ASB18: variants seen among roughly 807,000 people sequenced by gnomAD.
The protein encoded by ASB18 is ankyrin repeat and SOCS box protein 18.
ASB18 carries 33 observed loss-of-function variants against 33.4 expected under a neutral mutation model. The ratio of observed to expected loss-of-function variants is 0.99; its 90% CI spans 0.75 to 1.32. ASB18 has a LOEUF of 1.32. ASB18 is among the 40% of genes most tolerant of loss of function. The pLI is 0.00. For synonymous variants in ASB18, 295 were observed against 307.6 expected, an observed-to-expected ratio of 0.96 and a Z score of 0.43; for missense variants, 694 against 655.5, an observed-to-expected ratio of 1.06 and a Z score of -0.64.
rs945758294 is a variant in ASB18 at position 236,238,258 on chromosome 2, G to A, written c.329-302C>T. ...AGAGGATTTTGCCAAATACGGGGGT[G>A]ACTGGGAAATGGGGTCAGTTAAAAG... On this transcript the variant is annotated intron_variant, in intron 2 of 5. Coordinates refer to ENST00000409749, the MANE Select transcript of ASB18 (RefSeq NM_212556.4). This position sits in a 1 kb window ranked among gnomAD's most constrained non-coding sequence, Gnocchi z 5.2. 1.1e-4 allele frequency among the ~76,000 whole-genome samples: 17 copies of A among 152,226 alleles called. No individual in the cohort carries two copies. The highest frequency in any genetic ancestry group is 3.1e-4 in the African/African-American group (13 of 41,526).
chr2:236,240,907 T>A (rs2060618266), intron 2 of ASB18, among the ~76,000 whole-genome samples: 1 of 152,166 alleles, frequency 6.6e-6, no homozygotes, highest in African/African-American at 2.4e-5. Context: ...CACAGAGCTG[T>A]GTGCCAGAGG....
At position 236,217,641 on chromosome 2, in the gene ASB18, T is replaced by G. The variant is rs993202298; in HGVS notation, c.597-2775A>C. 6.6e-6 allele frequency among the ~76,000 whole-genome samples: 1 copy of G among 152,244 alleles called. No homozygotes were observed. On this transcript the variant is annotated intron_variant, in intron 3 of 5. Coordinates refer to ENST00000409749, the MANE Select transcript of ASB18 (RefSeq NM_212556.4). This position sits in a 1 kb window ranked among gnomAD's most constrained non-coding sequence, Gnocchi z 5.2. ...CTAACTGGGGCTCTGAACAAGATCA[T>G]CCATTGAGGGTTTCCCGGCTGCCCT...
In ASB18 at chr2:236,194,941, G is replaced by A. The variant is rs763282505; in HGVS notation, c.1332C>T (p.Ile444=). ...GGGGCTTTGGCAAGGGTAACAGGGG[G>A]ATGAGGTCAAAGCACCTTTTGCCAA... The part of the protein sequence containing the change: ...RLFGKRCFDL[I]PLLPLPKPLQ... The change falls in exon 6 of 6, where the codon ATC becomes ATT. Residue 444 remains isoleucine (I), a synonymous_variant. Coordinates refer to ENST00000409749, the MANE Select transcript of ASB18 (RefSeq NM_212556.4). This position sits in a 1 kb window ranked among gnomAD's most constrained non-coding sequence, Gnocchi z 4.5. 2 of 1,613,770 alleles carry A rather than the reference G, an allele frequency of 1.2e-6. No homozygotes were observed. Among genetic ancestry groups the A allele is most frequent in the Non-Finnish European group, 1.7e-6 (2 of 1,179,862 alleles).
Position 236,196,358 on chromosome 2 carries a change from C to T in ASB18, c.1129G>A (p.Ala377Thr), listed in dbSNP as rs571890106. 60 of 1,565,910 alleles carry T rather than the reference C, an allele frequency of 3.8e-5. No individual in the cohort carries two copies. The highest frequency in any genetic ancestry group is 1.9e-4 in the South Asian group (16 of 84,982). The change falls in exon 5 of 6, where the codon GCA becomes ACA. Residue 377 changes from alanine (A) to threonine (T), a missense_variant. Transcript: ENST00000409749. This position sits in a 1 kb window ranked among gnomAD's most constrained non-coding sequence, Gnocchi z 5.6. ...GAGTTGAAAAGCACCTCGATGACTG[C>T]GGGGACAGATGCACAGGTCTTCAGC... Reference protein sequence around the residue: ...KVLKTCASVPAVIEVLFNSYP... With the variant: ...KVLKTCASVPTVIEVLFNSYP...
Position 236,237,278 on chromosome 2 carries a change from C to T in ASB18, c.596+411G>A, listed in dbSNP as rs1231658300. ...GCGGCTGGGCTGTGATCACCGCGCTCATTACCTCGGCGTGGCGCCTCCCGC... is the reference window on the plus strand; with the variant it reads ...GCGGCTGGGCTGTGATCACCGCGCTTATTACCTCGGCGTGGCGCCTCCCGC... On this transcript the variant is annotated intron_variant, in intron 3 of 5. Transcript: ENST00000409749. The surrounding 1 kb of genome is among the most constrained non-coding windows in gnomAD (Gnocchi z 6.2). Among the ~76,000 whole-genome samples, 8 of 151,888 alleles carry T rather than the reference C, an allele frequency of 5.3e-5. No homozygotes were observed. The highest frequency in any genetic ancestry group is 2.6e-4 in the Admixed American group (4 of 15,252).
chr2:236,226,532 C>T lies in ASB18; in HGVS notation c.596+11157G>A, dbSNP rs2060540894. Among the ~76,000 whole-genome samples, 1 of 152,128 alleles carries T rather than the reference C, an allele frequency of 6.6e-6. No individual in the cohort carries two copies. The highest frequency in any genetic ancestry group is 6.5e-5 in the Admixed American group (1 of 15,272). ...TAAAAAGTCCTTATTAAACAATGGC[C>T]TGGGCCTGTATGATTTTTGTAAAAC... On this transcript the variant is annotated intron_variant, in intron 3 of 5. Transcript: ENST00000409749. This position sits in a 1 kb window ranked among gnomAD's most constrained non-coding sequence, Gnocchi z 4.8.
Position 236,214,237 on chromosome 2 carries a change from C to T in ASB18, c.1101+125G>A. On this transcript the variant is annotated intron_variant, in intron 4 of 5. Coordinates refer to ENST00000409749, the MANE Select transcript of ASB18 (RefSeq NM_212556.4). The surrounding 1 kb of genome is among the most constrained non-coding windows in gnomAD (Gnocchi z 6.5). ...ACCGGCAGAGCAGATTCTGCATTTT[C>T]ACAAGTCCCCAGGGGTGCCTGGGCC... 1 of 1,023,258 alleles carries T rather than the reference C, an allele frequency of 9.8e-7. No homozygotes were observed. Among genetic ancestry groups the T allele is most frequent in the Non-Finnish European group, 1.4e-6 (1 of 734,238 alleles). 63.4% of individuals were successfully genotyped at this position (1,023,258 alleles called of 1,614,324 possible). A position where few individuals can be genotyped will look rare whatever the true frequency, so the allele number is the denominator to read the frequency against.
Position 236,255,716 on chromosome 2 carries a change from GT to G in ASB18, c.205+8424del, listed in dbSNP as rs1389258686. Among the ~76,000 whole-genome samples the G allele has an allele frequency of 6.6e-6, 1 of 152,136 alleles. No individual in the cohort carries two copies. The highest frequency in any genetic ancestry group is 1.5e-5 in the Non-Finnish European group (1 of 68,028). ...GAATGGCTCCTCATGGCTTTTCCAA[GT>G]AAGTGTAAACACCTGTGCCTAGAAT... On this transcript the variant is annotated intron_variant, in intron 1 of 5. Coordinates refer to ENST00000409749, the MANE Select transcript of ASB18 (RefSeq NM_212556.4). The surrounding 1 kb of genome is among the most constrained non-coding windows in gnomAD (Gnocchi z 4.4).
rs886591806 is a variant in ASB18 at position 236,208,145 on chromosome 2, C to T, written c.1101+6217G>A. On this transcript the variant is annotated intron_variant, in intron 4 of 5. Transcript: ENST00000409749. The surrounding 1 kb of genome is among the most constrained non-coding windows in gnomAD (Gnocchi z 7.7). Reference sequence around the variant, plus strand: ...ACTGAGTCAGGCTTGGCAGGCTTTACGGAAAGAGAGAGACAGAGCATGAAC... The same window carrying T: ...ACTGAGTCAGGCTTGGCAGGCTTTATGGAAAGAGAGAGACAGAGCATGAAC... 6.6e-5 allele frequency among the ~76,000 whole-genome samples: 10 copies of T among 152,010 alleles called. No individual in the cohort carries two copies. Among genetic ancestry groups the T allele is most frequent in the East Asian group, 1.9e-4 (1 of 5,152 alleles).
In ASB18 at chr2:236,241,534, A is replaced by C. The variant is rs1262303666; in HGVS notation, c.206-132T>G. The C allele has an allele frequency of 2.0e-6, 2 of 997,490 alleles. No homozygotes were observed. Among genetic ancestry groups the C allele is most frequent in the Non-Finnish European group, 3.1e-6 (2 of 647,546 alleles). The allele number at this position is 997,490 out of a possible 1,614,324, so 61.8% of individuals were successfully genotyped here. A position where few individuals can be genotyped will look rare whatever the true frequency, so the allele number is the denominator to read the frequency against. ...CTGTCTCTCCATTGAGATGCCGTCG[A>C]TTTCAGAAGAGTTCTTCAGGAACGG... On this transcript the variant is annotated intron_variant, in intron 1 of 5. Coordinates refer to ENST00000409749, the MANE Select transcript of ASB18 (RefSeq NM_212556.4). This position sits in a 1 kb window ranked among gnomAD's most constrained non-coding sequence, Gnocchi z 4.2.
rs1207660965 is a variant in ASB18, at chr2:236,215,184, C to T, written c.597-318G>A. 3.3e-5 allele frequency among the ~76,000 whole-genome samples: 5 copies of T among 152,146 alleles called. No homozygotes were observed. Among genetic ancestry groups the T allele is most frequent in the Non-Finnish European group, 2.9e-5 (2 of 68,036 alleles). ...TGATGTGGTTCAAATGACGGTGCTC[C>T]ATGCACTGGTTACCTGAGCTCTTTG... is the stretch of plus-strand genomic sequence containing the variant. On this transcript the variant is annotated intron_variant, in intron 3 of 5. Transcript: ENST00000409749. This position sits in a 1 kb window ranked among gnomAD's most constrained non-coding sequence, Gnocchi z 7.2.
chr2:236,214,646 G>T lies in ASB18; in HGVS notation c.817C>A (p.Leu273Met). The change falls in exon 4 of 6, where the codon CTG (leucine) becomes ATG (methionine). Residue 273 changes from leucine (L) to methionine (M), a missense_variant. Transcript: ENST00000409749. The surrounding 1 kb of genome is among the most constrained non-coding windows in gnomAD (Gnocchi z 6.5). ...ARRPDEHGRCLRLCALLLRRG... is the reference protein window; with the variant it reads ...ARRPDEHGRCMRLCALLLRRG... ...CGCAGCAGCAGCGCGCACAGGCGCA[G>T]GCAGCGCCCGTGCTCGTCGGGCCTC... is the stretch of plus-strand genomic sequence containing the variant. The T allele has an allele frequency of 8.6e-7, 1 of 1,163,150 alleles. No individual in the cohort carries two copies. The highest frequency in any genetic ancestry group is 1.1e-6 in the Non-Finnish European group (1 of 945,508). The allele number at this position is 1,163,150 out of a possible 1,614,324, so 72.1% of individuals were successfully genotyped here. A position where few individuals can be genotyped will look rare whatever the true frequency, so the allele number is the denominator to read the frequency against.
In ASB18 at chr2:236,237,505, C is replaced by T. The variant is rs1576406435; in HGVS notation, c.596+184G>A. Among the ~76,000 whole-genome samples, 1 of 150,520 alleles carries T rather than the reference C, an allele frequency of 6.6e-6. No homozygotes were observed. Among genetic ancestry groups the T allele is most frequent in the East Asian group, 2.0e-4 (1 of 5,084 alleles). ...TTGGATCTGGGTCCCGAGGCAGGGG[C>T]CGGGGTAGGGACGGGGCGGATGCGG... On this transcript the variant is annotated intron_variant, in intron 3 of 5. Coordinates refer to ENST00000409749, the MANE Select transcript of ASB18 (RefSeq NM_212556.4). The surrounding 1 kb of genome is among the most constrained non-coding windows in gnomAD (Gnocchi z 6.2).
rs73115964 is a variant in ASB18 at position 236,221,479 on chromosome 2, G to A, written c.597-6613C>T. Among the ~76,000 whole-genome samples, 6,790 of 152,172 alleles carry A rather than the reference G, an allele frequency of 0.045. 285 individuals carry two copies. Among genetic ancestry groups the A allele is most frequent in the African/African-American group, 0.11 (4,762 of 41,480 alleles). On this transcript the variant is annotated intron_variant, in intron 3 of 5. Coordinates refer to ENST00000409749, the MANE Select transcript of ASB18 (RefSeq NM_212556.4). This position sits in a 1 kb window ranked among gnomAD's most constrained non-coding sequence, Gnocchi z 5.6. ...TCATGGGGGTGGTTTCCTTCATACT[G>A]TTCTCTTGGTAGTGAATAAGTCTCA...
At chr2:236,207,287 TCTGA>T (rs2060439115) in intron 4 of ASB18, among the ~76,000 whole-genome samples, 1 of 152,230 alleles carries the variant, frequency 6.6e-6, no homozygotes. Flanking sequence ...TATACTTCAA[TCTGA>T]CTGTGCTGTT....
At chr2:236,210,410 A>T (rs1251839959) in intron 4 of ASB18, 2 of 152,166 alleles carry the variant, frequency 1.3e-5, no homozygotes, top group South Asian at 2.1e-4. Context: ...CTCAACCATA[A>T]ATTATGCAGT....
rs1480758998 is a variant in ASB18 at position 236,241,605 on chromosome 2, C to A, written c.206-203G>T. On this transcript the variant is annotated intron_variant, in intron 1 of 5. Transcript: ENST00000409749. This position sits in a 1 kb window ranked among gnomAD's most constrained non-coding sequence, Gnocchi z 4.2. ...GTGAGCTATTTCTATTGTCATTACT[C>A]AATTGTCATCCAGTTGGGGCTCGAT... is the stretch of plus-strand genomic sequence containing the variant. 3.0e-6 allele frequency: 2 copies of A among 675,218 alleles called. No homozygotes were observed. The highest frequency in any genetic ancestry group is 1.7e-5 in the South Asian group (1 of 58,382). 41.8% of individuals were successfully genotyped at this position (675,218 alleles called of 1,614,324 possible). A position where few individuals can be genotyped will look rare whatever the true frequency, so the allele number is the denominator to read the frequency against.
chr2:236,264,080 C>T lies in ASB18; in HGVS notation c.205+61G>A. 3.4e-6 allele frequency: 5 copies of T among 1,483,526 alleles called. No homozygotes were observed. Among genetic ancestry groups the T allele is most frequent in the African/African-American group, 1.4e-5 (1 of 72,464 alleles). The allele number at this position is 1,483,526 out of a possible 1,614,324, so 91.9% of individuals were successfully genotyped here. A position where few individuals can be genotyped will look rare whatever the true frequency, so the allele number is the denominator to read the frequency against. ...TTTGCCCCTCTACCTCCAGGATCTG[C>T]CCACCCCATCAGTGTAACTTAGTAA... is the stretch of plus-strand genomic sequence containing the variant. On this transcript the variant is annotated intron_variant, in intron 1 of 5. Transcript: ENST00000409749. The surrounding 1 kb of genome is among the most constrained non-coding windows in gnomAD (Gnocchi z 5.1).
At position 236,223,328 on chromosome 2, in the gene ASB18, T is replaced by TAACA. The variant is rs1191639769; in HGVS notation, c.597-8466_597-8463dup. The stretch of plus-strand genomic sequence containing the variant: ...TGTGCCTTCCTCAGTAAGGCATGCA[T>TAACA]AACATTTCTTTCTCTTTCTCTCATC... On this transcript the variant is annotated intron_variant, in intron 3 of 5. Coordinates refer to ENST00000409749, the MANE Select transcript of ASB18 (RefSeq NM_212556.4). The surrounding 1 kb of genome is among the most constrained non-coding windows in gnomAD (Gnocchi z 4.6). Among the ~76,000 whole-genome samples, 2 of 152,200 alleles carry TAACA rather than the reference T, an allele frequency of 1.3e-5. No individual in the cohort carries two copies. Among genetic ancestry groups the TAACA allele is most frequent in the Non-Finnish European group, 2.9e-5 (2 of 68,040 alleles).
Sources: gnomAD v4.1 joint callset for allele counts (sites outside exome capture counted in the v4.1 genomes callset) on GRCh38, gnomAD v4.1.1 for gene constraint, Gnocchi (gnomAD v3.1) non-coding constraint, MANE v1.5 for transcripts, NCBI Gene and HGNC (gene_info 2026-07-23, HGNC 2026-07-21) for gene names.